TUT7: variants seen among roughly 807,000 people sequenced by gnomAD.
TUT7 encodes the protein terminal uridylyl transferase 7.
A neutral mutation model predicts 165.9 loss-of-function variants in TUT7; 33 were observed. That is an observed-to-expected ratio of 0.20 (90% CI 0.15 to 0.27). The LOEUF (loss-of-function observed/expected upper bound fraction) is 0.27. TUT7 is among the 10% of genes least tolerant of loss of function. The pLI, the probability that TUT7 is intolerant of heterozygous loss-of-function variation, is 1.00. For synonymous variants in TUT7, 552 were observed against 608.1 expected (o/e 0.91, Z 1.36); for missense variants, 1,338 against 1,762.3 (o/e 0.76, Z 4.31).
chr9:86,322,951 T>A lies in TUT7; in HGVS notation c.2799A>T (p.Val933=), dbSNP rs1407348422. 1.2e-6 allele frequency: 2 copies of A among 1,613,106 alleles called. No individual in the cohort carries two copies. The highest frequency in any genetic ancestry group is 1.7e-6 in the Non-Finnish European group (2 of 1,179,796). ...LNKISLKEEN[V]CEEKNSPVDQ... is the part of the protein sequence containing the mutation. ...CCACAGGTGAATTTTTTTCTTCACATACATTTTCTTCCTTGAGACTTATTT... is the reference window on the plus strand; with the variant it reads ...CCACAGGTGAATTTTTTTCTTCACAAACATTTTCTTCCTTGAGACTTATTT... The change falls in exon 13 of 27, where the codon GTA becomes GTT. Residue 933 remains valine, a synonymous_variant. Transcript: ENST00000375963.
At chr9:86,319,248 G>A (rs1383591896) in intron 15 of TUT7, among the ~76,000 whole-genome samples, 190 bp from the exon 16 acceptor site, 3 of 152,092 alleles carry the variant, frequency 2.0e-5, no homozygotes, top group Admixed American at 6.5e-5. Context: ...TTACATACAA[G>A]CTGTATATGG....
intron 2 of TUT7, among the ~76,000 whole-genome samples, chr9:86,352,290 T>C (rs1832371795): frequency 6.6e-6 from 1 of 152,206 alleles, no homozygotes; most frequent in South Asian, 2.1e-4. Context: ...ATTCTGTCAT[T>C]TATATTATGA....
At chr9:86,322,736 C>T in intron 13 of TUT7, 137 bp downstream of exon 13, 2 of 1,042,710 alleles carry the variant, frequency 1.9e-6, no homozygotes, top group Admixed American at 3.0e-5. Context: ...GCAGACCGAG[C>T]AGTCATATCA....
In TUT7 at chr9:86,327,831, G is replaced by C. The variant is rs565641903; in HGVS notation, c.1608+509C>G. Among the ~76,000 whole-genome samples the C allele has an allele frequency of 2.0e-5, 3 of 152,322 alleles. 1 individual carries two copies. The South Asian group carries it at 6.2e-4, about 32-fold the overall frequency. Reference sequence around the variant, plus strand: ...ACCCCAAAAGGTAACGGGAAGATCAGGGGCCTTTCACCTATTTGGGAGAGA... The same window carrying C: ...ACCCCAAAAGGTAACGGGAAGATCACGGGCCTTTCACCTATTTGGGAGAGA... On this transcript the variant is annotated intron_variant, in intron 11 of 26. Coordinates refer to ENST00000375963, the MANE Select transcript of TUT7 (RefSeq NM_024617.4).
intron 2 of TUT7, among the ~76,000 whole-genome samples, chr9:86,347,039 T>C (rs1409019822): frequency 6.6e-6 from 1 of 152,144 alleles, no homozygotes; most frequent in Non-Finnish European, 1.5e-5. Flanking sequence ...AGTTGCAAAT[T>C]TAGCCATCAA....
intron 26 of TUT7, among the ~76,000 whole-genome samples, chr9:86,297,285 C>T (rs536348685): frequency 6.6e-5 from 10 of 152,260 alleles, no homozygotes; most frequent in Admixed American, 2.6e-4. Context: ...TATATGCAGG[C>T]GCTGTTCTAA....
At chr9:86,340,463 GA>G (rs1831233461) in intron 7 of TUT7, among the ~76,000 whole-genome samples, 1 of 152,094 alleles carries the variant, frequency 6.6e-6, no homozygotes, top group Non-Finnish European at 1.5e-5. Flanking sequence ...TGTATTGATC[GA>G]AGACAAAATT....
intron 2 of TUT7, among the ~76,000 whole-genome samples, chr9:86,347,644 CA>C (rs1386041191): frequency 1.3e-5 from 2 of 151,994 alleles, no homozygotes; most frequent in Non-Finnish European, 2.9e-5. Flanking sequence ...CAAAATTCTG[CA>C]AACACCTTCC....
In TUT7 at chr9:86,310,015, G is replaced by C; in HGVS notation, c.3381C>G (p.Ala1127=). Residue 1127 remains alanine (A), a splice_region_variant and synonymous_variant, in exon 19 of 27, where the codon GCC becomes GCG. Coordinates refer to ENST00000375963, the MANE Select transcript of TUT7 (RefSeq NM_024617.4). The part of the protein sequence containing the change: ...EVDISLYNTL[A]LHNTRLLSAY... Reference sequence around the variant, plus strand: ...CAGATAAAAGCCTTGTGTTATGAAGGGCCTGTTAAAAGGAAAATAACACTA... The same window carrying C: ...CAGATAAAAGCCTTGTGTTATGAAGCGCCTGTTAAAAGGAAAATAACACTA... The C allele has an allele frequency of 6.2e-7, 1 of 1,612,652 alleles. No homozygotes were observed. Among genetic ancestry groups the C allele is most frequent in the Non-Finnish European group, 8.5e-7 (1 of 1,179,150 alleles).
chr9:86,340,240 C>A, intron 7 of TUT7, 135 bp from the exon 8 acceptor site: 1 of 665,836 alleles, frequency 1.5e-6, no homozygotes, highest in South Asian at 2.0e-5. Flanking sequence ...TAATGCTCTG[C>A]AATGACTTGA....
Position 86,288,142 on chromosome 9 carries a change from C to A in TUT7, c.*535G>T, listed in dbSNP as rs1825666299. ...CACTGAAGGCCCACATAAATAGGTA[C>A]TCATGTTCATGTTATCACGTCTACA... On this transcript the variant is annotated 3_prime_UTR_variant, in exon 27 of 27. Coordinates refer to ENST00000375963, the MANE Select transcript of TUT7 (RefSeq NM_024617.4). 6.6e-6 allele frequency: 1 copy of A among 152,262 alleles called. No individual in the cohort carries two copies. Among genetic ancestry groups the A allele is most frequent in the Admixed American group, 6.5e-5 (1 of 15,288 alleles). 9.4% of individuals were successfully genotyped at this position (152,262 alleles called of 1,614,324 possible). A position where few individuals can be genotyped will look rare whatever the true frequency, so the allele number is the denominator to read the frequency against.
intron 26 of TUT7, among the ~76,000 whole-genome samples, chr9:86,294,620 C>T (rs1826153800): frequency 6.6e-6 from 1 of 151,640 alleles, no homozygotes; most frequent in Non-Finnish European, 1.5e-5. Flanking sequence ...GGAACAGTTT[C>T]ATTCACGCAG....
chr9:86,326,143 T>G lies in TUT7; in HGVS notation c.1609-629A>C, dbSNP rs188570161. Among the ~76,000 whole-genome samples the G allele has an allele frequency of 2.1e-3, 322 of 152,304 alleles. 1 individual carries two copies. The highest frequency in any genetic ancestry group is 3.0e-3 in the Non-Finnish European group (204 of 68,014). On this transcript the variant is annotated intron_variant, in intron 11 of 26. Coordinates refer to ENST00000375963, the MANE Select transcript of TUT7 (RefSeq NM_024617.4). ...GGATAGGGGAAAATATGGGCCCAAA[T>G]AGAGATTCTGCCACGTCATAGCTCT... is the stretch of plus-strand genomic sequence containing the variant.
intron 17 of TUT7, among the ~76,000 whole-genome samples, chr9:86,313,563 T>C (rs776503334): frequency 1.3e-5 from 2 of 152,320 alleles, no homozygotes; most frequent in East Asian, 3.9e-4. Context: ...AAAGATTCAC[T>C]AGCTTAGGAA....
rs370276327 is a variant in TUT7 at position 86,352,787 on chromosome 9, T to C, written c.413A>G (p.Asp138Gly). The C allele has an allele frequency of 3.1e-6, 5 of 1,614,030 alleles. No homozygotes were observed. Among genetic ancestry groups the C allele is most frequent in the Non-Finnish European group, 4.2e-6 (5 of 1,180,030 alleles). Reference protein sequence around the residue: ...QRKDSFQENEDGYRWQDTRGC... With the variant: ...QRKDSFQENEGGYRWQDTRGC... ...TCTTGTGTCTTGCCACCTATAACCA[T>C]CTTCATTTTCTTGAAAGGAGTCTTT... Residue 138 changes from aspartate to glycine, a missense_variant, in exon 2 of 27, where the codon GAT becomes GGT. Physicochemically the swap from Asp to Gly is moderately conservative, Grantham distance 94. This residue lies in a region of TUT7 where 434 missense variants were observed against 480.8 expected (regional missense o/e 0.90). Coordinates refer to ENST00000375963, the MANE Select transcript of TUT7 (RefSeq NM_024617.4).
At position 86,310,749 on chromosome 9, in the gene TUT7, A is replaced by G. The variant is rs756495515; in HGVS notation, c.3335T>C (p.Leu1112Ser). The G allele has an allele frequency of 1.9e-6, 3 of 1,613,350 alleles. No homozygotes were observed. The highest frequency in any genetic ancestry group is 2.7e-5 in the African/African-American group (2 of 74,928). ...AKVPIVKFFH[L>S]RSGLEVDISL... is the part of the protein sequence containing the mutation. ...GATATCTACTTCCAGACCACTTCTC[A>G]AATGGAAGAACTTCACAATTGGCAC... The change falls in exon 18 of 27, where the codon TTG becomes TCG. Residue 1112 changes from leucine (L) to serine (S), a missense_variant. This residue lies in a region of TUT7 where 157 missense variants were observed against 357.5 expected (regional missense o/e 0.44). Transcript: ENST00000375963.
At chr9:86,317,665 C>G (rs555351976) in intron 16 of TUT7, among the ~76,000 whole-genome samples, 12 of 152,324 alleles carry the variant, frequency 7.9e-5, no homozygotes, top group Admixed American at 2.6e-4. Flanking sequence ...CTCATTCATT[C>G]TAAGCAGACC....
chr9:86,331,207 T>C (rs1830282234), intron 10 of TUT7, among the ~76,000 whole-genome samples: 1 of 147,268 alleles, frequency 6.8e-6, no homozygotes, highest in East Asian at 2.1e-4. Flanking sequence ...GCCCAGGAGT[T>C]TGAGACCAGC....
At chr9:86,309,007 A>C (rs184393565) in intron 21 of TUT7, among the ~76,000 whole-genome samples, 7 of 152,346 alleles carry the variant, frequency 4.6e-5, no homozygotes, top group African/African-American at 1.7e-4. Flanking sequence ...GGCATTAAAG[A>C]AATACTGGAT....
Sources: allele counts gnomAD v4.1 joint callset (sites outside exome capture counted in the v4.1 genomes callset), GRCh38; gene constraint gnomAD v4.1.1; regional missense constraint gnomAD v4.1.1; transcripts MANE v1.5; gene names NCBI Gene and HGNC (gene_info 2026-07-23, HGNC 2026-07-21).